Variants in PCDHGA10 observed in about 807,000 individuals in gnomAD.
The protein encoded by PCDHGA10 is protocadherin gamma subfamily A, 10, also known as protocadherin gamma-A10.
Under a neutral mutation model 59.5 loss-of-function variants are expected in PCDHGA10, and 42 were observed. That is an observed-to-expected ratio of 0.71 (90% CI 0.55 to 0.91). The LOEUF (loss-of-function observed/expected upper bound fraction) is 0.91. Ranked by LOEUF, PCDHGA10 falls within the 40% of genes least tolerant of loss-of-function variation. The pLI, the probability that PCDHGA10 is intolerant of heterozygous loss-of-function variation, is 0.00. For missense variants in PCDHGA10, 1,111 were observed against 1,198.2 expected (o/e 0.93, Z 1.07); for synonymous variants, 511 against 517.2 (o/e 0.99, Z 0.16).
Position 141,489,119 on chromosome 5 carries a change from C to T in PCDHGA10, c.2437-5688C>T, listed in dbSNP as rs1236074950. The T allele has an allele frequency of 2.0e-5, 13 of 650,240 alleles. No individual in the cohort carries two copies. Among genetic ancestry groups the T allele is most frequent in the African/African-American group, 9.1e-5 (5 of 55,178 alleles). 40.3% of individuals were successfully genotyped at this position (650,240 alleles called of 1,614,324 possible). ...GAACTGCTGCAAGCAGGCAAACCTC[C>T]GAGCAGTTTTTAAGAGGCTGGAAGG... On this transcript the variant is annotated intron_variant, in intron 1 of 3. Coordinates refer to ENST00000398610, the MANE Select transcript of PCDHGA10 (RefSeq NM_018913.3). This position sits in a 1 kb window ranked among gnomAD's most constrained non-coding sequence, Gnocchi z 4.5.
chr5:141,425,194 A>G (rs1464968527), intron 1 of PCDHGA10, among the ~76,000 whole-genome samples: 1 of 152,206 alleles, frequency 6.6e-6, no homozygotes, highest in Non-Finnish European at 1.5e-5. Context: ...CAAACTGAGA[A>G]AAATGATGTA....
In PCDHGA10 at chr5:141,485,576, C is replaced by T. The variant is rs1347032247; in HGVS notation, c.2437-9231C>T. ...GAATGATCACGCCCCCCGTTTTCCG[C>T]GGCAGCAGCTGGACTTGGAAATTGG... On this transcript the variant is annotated intron_variant, in intron 1 of 3. Transcript: ENST00000398610. The surrounding 1 kb of genome is among the most constrained non-coding windows in gnomAD (Gnocchi z 5.7). 21 of 1,612,296 alleles carry T rather than the reference C, an allele frequency of 1.3e-5. 1 individual carries two copies. Among genetic ancestry groups the T allele is most frequent in the Non-Finnish European group, 1.8e-5 (21 of 1,178,636 alleles).
chr5:141,436,118 T>C (rs188307595), intron 1 of PCDHGA10, among the ~76,000 whole-genome samples: 5 of 152,310 alleles, frequency 3.3e-5, no homozygotes, highest in Admixed American at 2.0e-4. Flanking sequence ...ATGAAACCTC[T>C]CTCCTCCATC....
At position 141,511,241 on chromosome 5, in the gene PCDHGA10, C is replaced by T; in HGVS notation, c.*68C>T. On this transcript the variant is annotated 3_prime_UTR_variant, in exon 4 of 4. Transcript: ENST00000398610. ...CCAGCCCAGCTTCTCCTTACCTGCA[C>T]CCAGGCCTCAGAGTTTCAGGGCTAA... The T allele has an allele frequency of 2.5e-6, 4 of 1,585,214 alleles. No individual in the cohort carries two copies. Among genetic ancestry groups the T allele is most frequent in the Non-Finnish European group, 3.4e-6 (4 of 1,165,762 alleles).
At chr5:141,478,161 C>T (rs201111122) in intron 1 of PCDHGA10, 20 of 1,613,852 alleles carry the variant, frequency 1.2e-5, no homozygotes, top group Admixed American at 3.3e-5. Context: ...TCTGGCTCTG[C>T]CCCCCGGGAG....
chr5:141,437,794 G>C (rs1162440523), intron 1 of PCDHGA10, among the ~76,000 whole-genome samples: 1 of 150,526 alleles, frequency 6.6e-6, no homozygotes, highest in Non-Finnish European at 1.5e-5. Context: ...CTGGAGTGCA[G>C]TGGCACTATC....
chr5:141,504,541 C>G (rs1050153403), intron 2 of PCDHGA10, among the ~76,000 whole-genome samples: 2 of 151,728 alleles, frequency 1.3e-5, no homozygotes, highest in Non-Finnish European at 2.9e-5. Context: ...GTCATCATGG[C>G]AAATGTTGGG....
In PCDHGA10 at chr5:141,490,000, A is replaced by G. The variant is rs762999106; in HGVS notation, c.2437-4807A>G. The G allele has an allele frequency of 6.2e-7, 1 of 1,614,198 alleles. No individual in the cohort carries two copies. Among genetic ancestry groups the G allele is most frequent in the Admixed American group, 1.7e-5 (1 of 60,032 alleles). ...AGTTCTACGTGTGGGAATCCCAGAG[A>G]ATGCACCCATTGGTACTCTGCTGCT... On this transcript the variant is annotated intron_variant, in intron 1 of 3. Coordinates refer to ENST00000398610, the MANE Select transcript of PCDHGA10 (RefSeq NM_018913.3). The surrounding 1 kb of genome is among the most constrained non-coding windows in gnomAD (Gnocchi z 4.5).
intron 1 of PCDHGA10, chr5:141,423,206 C>A: frequency 6.2e-7 from 1 of 1,613,668 alleles, no homozygotes. Context: ...GCCACCGTCA[C>A]GCTCACCGTG....
intron 1 of PCDHGA10, among the ~76,000 whole-genome samples, chr5:141,474,432 C>T (rs1050895539): frequency 6.6e-6 from 1 of 152,214 alleles, no homozygotes; most frequent in Non-Finnish European, 1.5e-5. Context: ...GGTCCTCACA[C>T]TTTGAGTAGC....
chr5:141,428,121 G>A (rs764584436), intron 1 of PCDHGA10: 2 of 1,605,742 alleles, frequency 1.2e-6, no homozygotes, highest in Admixed American at 1.7e-5. Flanking sequence ...CATCGAGCCC[G>A]GGCTTTTCAG....
chr5:141,426,492 T>C (rs1439487321), intron 1 of PCDHGA10: 2 of 336,712 alleles, frequency 5.9e-6, no homozygotes, highest in African/African-American at 4.3e-5. Context: ...TTAGAGTTAG[T>C]GCAGAGAAAC....
At chr5:141,488,385 G>A (rs917106670) in intron 1 of PCDHGA10, among the ~76,000 whole-genome samples, 11 of 152,164 alleles carry the variant, frequency 7.2e-5, no homozygotes, top group Non-Finnish European at 1.5e-5. Context: ...TCCTGAATTT[G>A]GTGAAACCAT....
rs930862898 is a variant in PCDHGA10 at position 141,480,073 on chromosome 5, C to A, written c.2437-14734C>A. ...GGAATAATAAGTGTTTTATAAGATT[C>A]ATGCATGATATAATGTATGCAAAGT... On this transcript the variant is annotated intron_variant, in intron 1 of 3. Coordinates refer to ENST00000398610, the MANE Select transcript of PCDHGA10 (RefSeq NM_018913.3). Among the ~76,000 whole-genome samples, 5 of 152,174 alleles carry A rather than the reference C, an allele frequency of 3.3e-5. No homozygotes were observed. In the South Asian group the frequency reaches 8.3e-4, roughly 25 times the overall value.
At chr5:141,449,837 T>A (rs917239289) in intron 1 of PCDHGA10, among the ~76,000 whole-genome samples, 3 of 151,742 alleles carry the variant, frequency 2.0e-5, no homozygotes, top group Non-Finnish European at 4.4e-5. Context: ...TTCTTTTATA[T>A]AATTAAATTT....
At position 141,486,055 on chromosome 5, in the gene PCDHGA10, C is replaced by T; in HGVS notation, c.2437-8752C>T. 6.2e-7 allele frequency: 1 copy of T among 1,614,170 alleles called. No individual in the cohort carries two copies. ...CTGATCGTGTAAGAAACCTCTTTAG[C>T]CTGCACCCCACTACTGGAAAGCTTA... On this transcript the variant is annotated intron_variant, in intron 1 of 3. Transcript: ENST00000398610. The surrounding 1 kb of genome is among the most constrained non-coding windows in gnomAD (Gnocchi z 5.0).
intron 1 of PCDHGA10, among the ~76,000 whole-genome samples, chr5:141,465,300 G>A (rs904996219): frequency 1.3e-5 from 2 of 152,112 alleles, no homozygotes; most frequent in Non-Finnish European, 2.9e-5. Flanking sequence ...TGAGAGTCCT[G>A]GGAATTTAGC....
At chr5:141,510,277 A>C (rs1242709133) in intron 3 of PCDHGA10, among the ~76,000 whole-genome samples, 5 of 151,916 alleles carry the variant, frequency 3.3e-5, no homozygotes, top group Admixed American at 2.6e-4. Flanking sequence ...CATCTTAAAA[A>C]AAAAAAAAAA....
intron 1 of PCDHGA10, among the ~76,000 whole-genome samples, chr5:141,438,948 G>A (rs2154558298): frequency 6.6e-6 from 1 of 152,142 alleles, no homozygotes; most frequent in Middle Eastern, 3.4e-3. Context: ...TTATAGGCAT[G>A]AGCCACCGCA....
Sources: allele counts gnomAD v4.1 joint callset (sites outside exome capture counted in the v4.1 genomes callset), GRCh38; gene constraint gnomAD v4.1.1; non-coding constraint Gnocchi (gnomAD v3.1); transcripts MANE v1.5; gene names NCBI Gene and HGNC (gene_info 2026-07-23, HGNC 2026-07-21).